SLCO2A1: variants seen among roughly 807,000 people sequenced by gnomAD.
SLCO2A1 encodes the protein matrin F/G 1.
In SLCO2A1, 60 loss-of-function variants were observed where a neutral mutation model predicts 71.7. That is an observed-to-expected ratio of 0.84 (90% CI 0.68 to 1.04). The LOEUF (loss-of-function observed/expected upper bound fraction) is 1.04. Among genes scored for constraint, SLCO2A1 ranks in the 50% least tolerant of loss-of-function variants. The probability of loss-of-function intolerance (pLI) is 0.00; values close to 1 mark genes in which losing one functional copy is unlikely to be tolerated. For synonymous variants in SLCO2A1, 308 were observed against 326.7 expected (o/e 0.94, Z 0.62); for missense variants, 745 against 813.4 (o/e 0.92, Z 1.02).
chr3:133,936,892 A>G (rs547146704), intron 12 of SLCO2A1, among the ~76,000 whole-genome samples: 28 of 152,326 alleles, frequency 1.8e-4, no homozygotes, highest in South Asian at 1.2e-3. Context: ...CTTATGTAGA[A>G]GCAAAGTCCG....
intron 3 of SLCO2A1, among the ~76,000 whole-genome samples, chr3:133,969,283 A>T (rs184161724): frequency 1.3e-5 from 2 of 152,230 alleles, no homozygotes; most frequent in South Asian, 4.2e-4. Context: ...ACAAAAAATC[A>T]TCTGGGCCTG....
intron 1 of SLCO2A1, among the ~76,000 whole-genome samples, chr3:133,999,195 C>T (rs1935049086): frequency 6.6e-6 from 1 of 152,200 alleles, no homozygotes; most frequent in Non-Finnish European, 1.5e-5. Context: ...GAGATACACT[C>T]CTGAAGATCG....
chr3:133,943,172 CAGT>C (rs2108039309), intron 10 of SLCO2A1, among the ~76,000 whole-genome samples: 1 of 152,330 alleles, frequency 6.6e-6, no homozygotes, highest in Admixed American at 6.5e-5. Context: ...GAGGCATAAA[CAGT>C]AGGAGGGCAG....
rs1414015681 is a variant in SLCO2A1, at chr3:134,029,837, G to A, written c.-35C>T. The A allele has an allele frequency of 6.1e-6, 8 of 1,301,748 alleles. No homozygotes were observed. The South Asian group carries it at 1.2e-4, about 19-fold the overall frequency. 80.6% of individuals were successfully genotyped at this position (1,301,748 alleles called of 1,614,324 possible). A position where few individuals can be genotyped will look rare whatever the true frequency, so the allele number is the denominator to read the frequency against. On this transcript the variant is annotated 5_prime_UTR_variant, in exon 1 of 14. Transcript: ENST00000310926. ...CGGCTGGCCGGGCGCGGAGTGGCGCGGGGTCGGGGCGCCTCGGGCTGGAGC... is the reference window on the plus strand; with the variant it reads ...CGGCTGGCCGGGCGCGGAGTGGCGCAGGGTCGGGGCGCCTCGGGCTGGAGC...
intron 8 of SLCO2A1, among the ~76,000 whole-genome samples, chr3:133,948,128 C>T (rs1933634971): frequency 6.6e-6 from 1 of 152,152 alleles, no homozygotes; most frequent in Admixed American, 6.5e-5. Flanking sequence ...ATCTCTGGAC[C>T]ATATATTGTC....
intron 3 of SLCO2A1, among the ~76,000 whole-genome samples, chr3:133,970,948 T>C (rs1934308336): frequency 6.6e-6 from 1 of 152,262 alleles, no homozygotes. Context: ...GAGAGGGTCA[T>C]GGTTAGCTGA....
chr3:133,937,852 A>G (rs1337006594), intron 12 of SLCO2A1, among the ~76,000 whole-genome samples: 3 of 152,228 alleles, frequency 2.0e-5, no homozygotes, highest in Non-Finnish European at 4.4e-5. Flanking sequence ...CCCAGCCCTC[A>G]GCCCAGGCAC....
At chr3:133,970,571 C>T (rs1284482214) in intron 3 of SLCO2A1, among the ~76,000 whole-genome samples, 4 of 152,250 alleles carry the variant, frequency 2.6e-5, no homozygotes, top group Admixed American at 6.5e-5. Flanking sequence ...AGCACACTCA[C>T]GTGGTGCACT....
Position 133,935,902 on chromosome 3 carries a change from A to T in SLCO2A1, c.1691-5T>A. On this transcript the variant is annotated splice_polypyrimidine_tract_variant and splice_region_variant and intron_variant, in intron 12 of 13. Transcript: ENST00000310926. ...GGGCTGGAGATGGCAGCCAGGCTGG[A>T]AGAGGGTTCAGAAAGCCCTGGTCAG... The T allele has an allele frequency of 6.3e-7, 1 of 1,587,864 alleles. No homozygotes were observed. The highest frequency in any genetic ancestry group is 8.6e-7 in the Non-Finnish European group (1 of 1,165,610).
chr3:133,976,219 GT>G (rs1287714742), intron 2 of SLCO2A1, among the ~76,000 whole-genome samples: 1 of 152,224 alleles, frequency 6.6e-6, no homozygotes, highest in Non-Finnish European at 1.5e-5. Context: ...CCTGCCAAAG[GT>G]GGATCTAGGA....
At chr3:134,011,112 G>A (rs377508725) in intron 1 of SLCO2A1, among the ~76,000 whole-genome samples, 93 of 152,192 alleles carry the variant, frequency 6.1e-4, no homozygotes, top group African/African-American at 1.8e-3. Flanking sequence ...GTGCAATGGC[G>A]CGATCTCGGC....
chr3:133,979,963 C>T (rs1934549923), intron 1 of SLCO2A1, among the ~76,000 whole-genome samples: 1 of 152,120 alleles, frequency 6.6e-6, no homozygotes, highest in Admixed American at 6.5e-5. Flanking sequence ...GGATTATTCC[C>T]CAACAGCACC....
intron 1 of SLCO2A1, among the ~76,000 whole-genome samples, chr3:133,988,178 CCT>C (rs1236279712): frequency 6.6e-6 from 1 of 152,148 alleles, no homozygotes; most frequent in African/African-American, 2.4e-5. Flanking sequence ...CCTCATTATA[CCT>C]CTCCAGCATT....
Position 133,959,400 on chromosome 3 carries a change from A to G in SLCO2A1, c.398-4207T>C, listed in dbSNP as rs1269443904. On this transcript the variant is annotated intron_variant, in intron 3 of 13. Transcript: ENST00000310926. ...TACCCATCAGGATGGCTATTACCAA[A>G]AAAAAAAAAAACAGAAAACGAGTGT... is the stretch of plus-strand genomic sequence containing the variant. Among the ~76,000 whole-genome samples, 4 of 151,796 alleles carry G rather than the reference A, an allele frequency of 2.6e-5. No homozygotes were observed. The East Asian group carries it at 7.7e-4, about 29-fold the overall frequency.
rs1387073410 is a variant in SLCO2A1 at position 133,934,756 on chromosome 3, T to C, written c.1889A>G (p.Lys630Arg). The change falls in exon 14 of 14, where the codon AAG (lysine) becomes AGG (arginine). Residue 630 changes from lysine to arginine, a missense_variant. Transcript: ENST00000310926. ...CTTCTGCACGTTGTACTCCTTGTTC[T>C]TCTTCACCCTCCAGCTGATGAAGCA... is the stretch of plus-strand genomic sequence containing the variant. ...LLCFISWRVKKNKEYNVQKAA... is the reference protein window; with the variant it reads ...LLCFISWRVKRNKEYNVQKAA... The C allele has an allele frequency of 6.2e-7, 1 of 1,613,580 alleles. No homozygotes were observed. The highest frequency in any genetic ancestry group is 8.5e-7 in the Non-Finnish European group (1 of 1,180,012).
At position 134,029,722 on chromosome 3, in the gene SLCO2A1, G is replaced by T; in HGVS notation, c.81C>A (p.Val27=). ...CTCCGCTCACCTTAATGTTGCCGAA[G>T]ACCGAGCGGGCACAGCGGCCGGCTC... The part of the protein sequence containing the change: ...TSRAGRCARS[V]FGNIKVFVLC... The change falls in exon 1 of 14, where the codon GTC becomes GTA. Residue 27 remains valine, a synonymous_variant. Coordinates refer to ENST00000310926, the MANE Select transcript of SLCO2A1 (RefSeq NM_005630.3). 6.3e-7 allele frequency: 1 copy of T among 1,590,028 alleles called. No homozygotes were observed. The highest frequency in any genetic ancestry group is 1.1e-5 in the South Asian group (1 of 88,290).
intron 1 of SLCO2A1, among the ~76,000 whole-genome samples, chr3:133,981,517 C>A (rs1227664243): frequency 6.6e-6 from 1 of 152,156 alleles, no homozygotes; most frequent in African/African-American, 2.4e-5. Context: ...TAGGCCCAAG[C>A]TCAGATCTAC....
intron 1 of SLCO2A1, among the ~76,000 whole-genome samples, chr3:133,987,858 A>C (rs958870364): frequency 2.0e-5 from 3 of 152,350 alleles, no homozygotes; most frequent in African/African-American, 7.2e-5. Flanking sequence ...CTCAGTTTGA[A>C]ATAACTGATT....
intron 1 of SLCO2A1, among the ~76,000 whole-genome samples, chr3:133,996,311 G>A (rs544604092): frequency 1.3e-5 from 2 of 152,306 alleles, no homozygotes; most frequent in East Asian, 3.9e-4. Context: ...AAGCCACAGT[G>A]GGGGTCTAAG....
Sources: gnomAD v4.1 joint callset for allele counts (sites outside exome capture counted in the v4.1 genomes callset) on GRCh38, gnomAD v4.1.1 for gene constraint, MANE v1.5 for transcripts, NCBI Gene and HGNC (gene_info 2026-07-23, HGNC 2026-07-21) for gene names.